Variants in WDR7 observed in about 807,000 individuals in gnomAD.
The protein encoded by WDR7 is WD repeat-containing protein 7.
In WDR7, 46 loss-of-function variants were observed where a neutral mutation model predicts 169.4. The observed-to-expected ratio is 0.27, with a 90% CI of 0.21 to 0.35. The LOEUF is 0.35. Among genes scored for constraint, WDR7 ranks in the 10% least tolerant of loss-of-function variants. The pLI, the probability that WDR7 is intolerant of heterozygous loss-of-function variation, is 1.00. For missense variants in WDR7, 1,534 were observed against 1,859.3 expected, an observed-to-expected ratio of 0.83 and a Z score of 3.22; for synonymous variants, 612 against 666.8, an observed-to-expected ratio of 0.92 and a Z score of 1.27.
intron 26 of WDR7, among the ~76,000 whole-genome samples, chr18:57,012,850 C>G (rs1361611086): frequency 6.6e-6 from 1 of 152,190 alleles, no homozygotes; most frequent in Non-Finnish European, 1.5e-5. Context: ...TATCGCACCT[C>G]CCTGTGCCTC....
intron 7 of WDR7, among the ~76,000 whole-genome samples, chr18:56,690,644 G>A (rs957673071): frequency 3.3e-5 from 5 of 151,752 alleles, no homozygotes; most frequent in Admixed American, 1.3e-4. Context: ...GTGAGACCCT[G>A]TCTCTACAAG....
chr18:56,991,177 C>A (rs985361948), intron 26 of WDR7, among the ~76,000 whole-genome samples: 4 of 129,718 alleles, frequency 3.1e-5, no homozygotes, highest in East Asian at 4.4e-4. Flanking sequence ...GACGGAGTCT[C>A]GCTCTGTCGC....
intron 20 of WDR7, among the ~76,000 whole-genome samples, chr18:56,879,178 T>G (rs1042927752): frequency 6.6e-6 from 1 of 152,218 alleles, no homozygotes; most frequent in African/African-American, 2.4e-5. Flanking sequence ...ACCCTATGTC[T>G]AACTTGTTGA....
intron 26 of WDR7, among the ~76,000 whole-genome samples, chr18:56,995,764 C>T (rs1453159252): frequency 6.6e-6 from 1 of 152,238 alleles, no homozygotes; most frequent in African/African-American, 2.4e-5. Flanking sequence ...CCTCTGCCTC[C>T]TGTCTGTGTG....
intron 26 of WDR7, among the ~76,000 whole-genome samples, chr18:56,973,167 C>T (rs1260421047): frequency 2.0e-5 from 3 of 152,212 alleles, no homozygotes; most frequent in Non-Finnish European, 4.4e-5. Context: ...CGAGCCACCG[C>T]GCCCGGCCAT....
At chr18:56,694,086 C>T (rs2025642551) in intron 9 of WDR7, among the ~76,000 whole-genome samples, 1 of 151,636 alleles carries the variant, frequency 6.6e-6, no homozygotes, top group African/African-American at 2.4e-5. Flanking sequence ...TTGTCCAGGG[C>T]CGGTCTCTGA....
intron 20 of WDR7, among the ~76,000 whole-genome samples, chr18:56,846,832 T>C (rs2045575717): frequency 1.3e-5 from 2 of 152,204 alleles, no homozygotes; most frequent in Admixed American, 6.5e-5. Context: ...ACATTTCCTA[T>C]ACAGCCTGCA....
At chr18:56,729,753 A>G (rs1446708439) in intron 13 of WDR7, among the ~76,000 whole-genome samples, 1 of 152,196 alleles carries the variant, frequency 6.6e-6, no homozygotes, top group Non-Finnish European at 1.5e-5. Flanking sequence ...TAATCTTAGA[A>G]TAGGAATTCC....
chr18:56,779,464 T>C lies in WDR7; in HGVS notation c.2981T>C (p.Met994Thr), dbSNP rs1339936290. 1 of 1,613,988 alleles carries C rather than the reference T, an allele frequency of 6.2e-7. No individual in the cohort carries two copies. ...WSQLAAMHCVMLPDLLGLDKF... is the reference protein window; with the variant it reads ...WSQLAAMHCVTLPDLLGLDKF... ...CAGTTAGCTGCTATGCACTGTGTTATGCTGCCAGACCTACTGGGATTGGAT... is the reference window on the plus strand; with the variant it reads ...CAGTTAGCTGCTATGCACTGTGTTACGCTGCCAGACCTACTGGGATTGGAT... The change falls in exon 18 of 28, where the codon ATG becomes ACG. Residue 994 changes from methionine (M) to threonine (T), a missense_variant. Coordinates refer to ENST00000254442, the MANE Select transcript of WDR7 (RefSeq NM_015285.3).
intron 20 of WDR7, among the ~76,000 whole-genome samples, chr18:56,842,449 A>T (rs1303824934): frequency 6.6e-6 from 1 of 152,180 alleles, no homozygotes; most frequent in Non-Finnish European, 1.5e-5. Context: ...CACACTTCTC[A>T]ACACTGTTGC....
intron 20 of WDR7, among the ~76,000 whole-genome samples, chr18:56,825,257 C>T (rs573836410): frequency 4.6e-5 from 7 of 152,178 alleles, no homozygotes; most frequent in Admixed American, 4.6e-4. Context: ...TTTGTGTGTG[C>T]ATGTAAAGGT....
intron 17 of WDR7, among the ~76,000 whole-genome samples, chr18:56,777,287 T>C (rs1173061043): frequency 6.6e-6 from 1 of 152,200 alleles, no homozygotes; most frequent in Non-Finnish European, 1.5e-5. Flanking sequence ...TAGAGGGAGT[T>C]GTGAGGGAAT....
In WDR7 at chr18:56,761,532, C is replaced by A. The variant is rs191215838; in HGVS notation, c.2848+2579C>A. ...TCAGTTTCTCAATTGCCTCAAAAAC[C>A]TGTTGTGATTTTAATTGCAGTTATA... On this transcript the variant is annotated intron_variant, in intron 16 of 27. Transcript: ENST00000254442. Among the ~76,000 whole-genome samples the A allele has an allele frequency of 2.5e-3, 384 of 151,960 alleles. 1 individual carries two copies. Among genetic ancestry groups the A allele is most frequent in the Non-Finnish European group, 4.5e-3 (304 of 67,960 alleles).
chr18:56,796,597 G>A (rs116228746), intron 19 of WDR7, among the ~76,000 whole-genome samples: 96 of 152,230 alleles, frequency 6.3e-4, no homozygotes, highest in African/African-American at 2.2e-3. Context: ...ATAGCATTTT[G>A]TTGCTAAAAA....
intron 12 of WDR7, among the ~76,000 whole-genome samples, chr18:56,716,988 C>T (rs931047728): frequency 3.3e-5 from 5 of 152,122 alleles, no homozygotes; most frequent in African/African-American, 1.2e-4. Context: ...CTTAGGAGAA[C>T]CCCCAGCAGG....
At chr18:56,663,647 CAT>C (rs1491235623) in intron 1 of WDR7, among the ~76,000 whole-genome samples, 1 of 3,592 alleles carries the variant, frequency 2.8e-4, no homozygotes, top group African/African-American at 2.9e-4. Flanking sequence ...AGCATATATA[CAT>C]ATATATATGC....
intron 20 of WDR7, among the ~76,000 whole-genome samples, chr18:56,838,822 AAGGG>A (rs1224039455): frequency 2.0e-5 from 3 of 152,178 alleles, no homozygotes; most frequent in African/African-American, 7.2e-5. Context: ...CATCATTTTT[AAGGG>A]TTTGAAATTT....
At chr18:56,724,756 T>C (rs1205353060) in intron 13 of WDR7, among the ~76,000 whole-genome samples, 1 of 152,058 alleles carries the variant, frequency 6.6e-6, no homozygotes, top group Non-Finnish European at 1.5e-5. Flanking sequence ...ACTCATTAAC[T>C]TGTCATTTAC....
chr18:56,726,168 G>A (rs1229225645), intron 13 of WDR7, among the ~76,000 whole-genome samples: 2 of 152,166 alleles, frequency 1.3e-5, no homozygotes, highest in Admixed American at 1.3e-4. Flanking sequence ...CTTTAAAGTA[G>A]TTTTTTCCAA....
Sources: allele counts gnomAD v4.1 joint callset (sites outside exome capture counted in the v4.1 genomes callset), GRCh38; gene constraint gnomAD v4.1.1; transcripts MANE v1.5; gene names NCBI Gene and HGNC (gene_info 2026-07-23, HGNC 2026-07-21).